The following TEAD3 variants were observed in gnomAD, a reference collection of about 807,000 sequenced individuals.
TEAD3 encodes the protein transcriptional enhancer factor TEF-5.
TEAD3 carries 15 observed loss-of-function variants against 55.6 expected under a neutral mutation model. The ratio of observed to expected loss-of-function variants is 0.27; its 90% CI spans 0.18 to 0.42. TEAD3 has a LOEUF of 0.42. Among genes scored for constraint, TEAD3 ranks in the 10% least tolerant of loss-of-function variants. TEAD3 has a pLI of 1.00. For missense variants in TEAD3, 407 were observed against 576.8 expected, an observed-to-expected ratio of 0.71 and a Z score of 3.01; for synonymous variants, 210 against 232.2, an observed-to-expected ratio of 0.90 and a Z score of 0.87.
At chr6:35,476,473 A>C in intron 8 of TEAD3, 38 bp from the exon 9 acceptor site, 1 of 1,606,106 alleles carries the variant, frequency 6.2e-7, no homozygotes, top group Non-Finnish European at 8.5e-7. Flanking sequence ...GCATGGATGC[A>C]TGCAGGTGCT....
chr6:35,478,646 C>G, intron 5 of TEAD3, 75 bp from the exon 6 acceptor site: 1 of 1,506,164 alleles, frequency 6.6e-7, no homozygotes. Flanking sequence ...CCTCCCATGA[C>G]CCCAGCAGAG....
At chr6:35,487,548 C>CAAAAAAAAAAAAAAAAAAAAAAAAAAAA in intron 1 of TEAD3, among the ~76,000 whole-genome samples, 1 of 54,640 alleles carries the variant, frequency 1.8e-5, no homozygotes, top group Non-Finnish European at 4.2e-5. Context: ...CGAGACTCCT[C>CAAAAAAAAAAAAAAAAAAAAAAAAAAAA]AAAAAAAAAA....
At chr6:35,473,617 CAA>C (rs1423938832), downstream of TEAD3, 2 of 145,464 alleles carry the variant, frequency 1.4e-5, no homozygotes, top group Non-Finnish European at 3.0e-5. Flanking sequence ...GACCCACAAA[CAA>C]ATAACTTTAA....
At chr6:35,495,278 T>A (rs10947552) in intron 1 of TEAD3, among the ~76,000 whole-genome samples, 126,669 of 152,244 alleles carry the variant, frequency 0.83, 52,928 homozygotes, top group African/African-American at 0.91. Flanking sequence ...TACAAACCTT[T>A]GGGTGAGGAT....
Position 35,483,039 on chromosome 6 carries a change from C to T in TEAD3, c.267+1521G>A, listed in dbSNP as rs757745656. On this transcript the variant is annotated intron_variant, in intron 3 of 12. Transcript: ENST00000639578. The surrounding 1 kb of genome is among the most constrained non-coding windows in gnomAD (Gnocchi z 4.5). Reference sequence around the variant, plus strand: ...CTGGGAGGCCAACTACTGCCCACTCCCAGGTAGAACCAGTATTTGAACCCA... The same window carrying T: ...CTGGGAGGCCAACTACTGCCCACTCTCAGGTAGAACCAGTATTTGAACCCA... 5.9e-5 allele frequency among the ~76,000 whole-genome samples: 9 copies of T among 152,180 alleles called. No homozygotes were observed. Among genetic ancestry groups the T allele is most frequent in the Non-Finnish European group, 5.9e-5 (4 of 68,034 alleles).
At chr6:35,492,189 C>T (rs889820010) in intron 1 of TEAD3, among the ~76,000 whole-genome samples, 6 of 152,366 alleles carry the variant, frequency 3.9e-5, no homozygotes, top group Admixed American at 3.9e-4. Context: ...CAAAATGTGG[C>T]AAGATCAGTG....
chr6:35,481,730 A>G (rs1768271990), intron 3 of TEAD3, among the ~76,000 whole-genome samples: 1 of 152,184 alleles, frequency 6.6e-6, no homozygotes, highest in African/African-American at 2.4e-5. Flanking sequence ...TACAGCCAGG[A>G]TTCAAACCCA....
intron 3 of TEAD3, among the ~76,000 whole-genome samples, chr6:35,480,670 C>A (rs763520715): frequency 6.6e-6 from 1 of 152,118 alleles, no homozygotes; most frequent in Non-Finnish European, 1.5e-5. Flanking sequence ...TCTTTTTGGT[C>A]TTATCATGAT....
chr6:35,479,917 C>T, intron 4 of TEAD3: 1 of 628,828 alleles, frequency 1.6e-6, no homozygotes, highest in Non-Finnish European at 2.5e-6. Context: ...CCTTGGGCTT[C>T]CTGCTGCCAC....
downstream of TEAD3, chr6:35,474,380 G>A (rs116676108): frequency 0.016 from 2,417 of 153,050 alleles, 36 homozygotes; most frequent in Non-Finnish European, 0.019. Context: ...CCCGCCCCAG[G>A]GAGGTAGTAT....
Position 35,496,721 on chromosome 6 carries a change from A to G in TEAD3, c.-50+177T>C, listed in dbSNP as rs1249264164. Among the ~76,000 whole-genome samples, 3 of 151,186 alleles carry G rather than the reference A, an allele frequency of 2.0e-5. No homozygotes were observed. The highest frequency in any genetic ancestry group is 3.0e-5 in the Non-Finnish European group (2 of 67,700). On this transcript the variant is annotated intron_variant, in intron 1 of 12. Transcript: ENST00000639578. The surrounding 1 kb of genome is among the most constrained non-coding windows in gnomAD (Gnocchi z 4.8). ...GAGGGCGGGGGGCGGGGCTTCCCGG[A>G]GAGATTTTCCCCCTTCCCTCTAAAC... is the stretch of plus-strand genomic sequence containing the variant.
exon 6 of TEAD3, chr6:35,478,566 C>G (rs1333832138): frequency 6.3e-7 from 1 of 1,588,960 alleles, no homozygotes; most frequent in Non-Finnish European, 8.6e-7. Flanking sequence ...CCTTGGAGAC[C>G]TGGTCCTGGG....
chr6:35,476,495 CTGCCCCCAGCTTGCAAAGG>C (rs1292925197), intron 8 of TEAD3, 60 bp from the exon 9 acceptor site: 5 of 1,591,376 alleles, frequency 3.1e-6, no homozygotes, highest in South Asian at 1.1e-5. Flanking sequence ...ACTGACAAAG[CTGCCCCCAGCTTGCAAAGG>C]TGCCCCTTTT....
chr6:35,485,532 T>C lies in TEAD3; in HGVS notation c.203-908A>G, dbSNP rs1237978953. 2.6e-5 allele frequency among the ~76,000 whole-genome samples: 4 copies of C among 151,812 alleles called. No homozygotes were observed. The highest frequency in any genetic ancestry group is 9.7e-5 in the African/African-American group (4 of 41,298). On this transcript the variant is annotated intron_variant, in intron 2 of 12. Transcript: ENST00000639578. The surrounding 1 kb of genome is among the most constrained non-coding windows in gnomAD (Gnocchi z 4.3). ...AATGGCCAAATTCTCCAAATTCCAT[T>C]CCGATGACTGAACCAGCCCCATTGC...
chr6:35,478,183 T>G lies in TEAD3; in HGVS notation c.530+92A>C, dbSNP rs1768191854. The G allele has an allele frequency of 4.0e-6, 6 of 1,494,590 alleles. No homozygotes were observed. The East Asian group carries it at 1.4e-4, about 35-fold the overall frequency. 92.6% of individuals were successfully genotyped at this position (1,494,590 alleles called of 1,614,324 possible). On this transcript the variant is annotated intron_variant, in intron 7 of 12. Coordinates refer to ENST00000639578, the Ensembl canonical transcript of TEAD3. ...ATCCCTCTATTTTTGAATTAAAACTTTGCTCAGCTGTTGCTGGAGCCCAAA... is the reference window on the plus strand; with the variant it reads ...ATCCCTCTATTTTTGAATTAAAACTGTGCTCAGCTGTTGCTGGAGCCCAAA...
exon 7 of TEAD3, chr6:35,478,277 C>T (rs1414953421): frequency 1.9e-6 from 3 of 1,613,558 alleles, no homozygotes; most frequent in Non-Finnish European, 2.5e-6. Context: ...ATACTCACTC[C>T]TGAGAGGGTC....
chr6:35,480,128 G>A, intron 3 of TEAD3, 184 bp downstream of exon 4: 1 of 1,546,548 alleles, frequency 6.5e-7, no homozygotes, highest in Non-Finnish European at 8.7e-7. Flanking sequence ...GAGACCTGTA[G>A]AGAGAGAAAG....
intron 3 of TEAD3, 177 bp downstream of exon 4, chr6:35,480,135 A>C: frequency 6.5e-7 from 1 of 1,546,096 alleles, no homozygotes. Context: ...GTAGAGAGAG[A>C]AAGAAAGAGA....
In TEAD3 at chr6:35,475,816, C is replaced by A; in HGVS notation, c.900+103G>T. The A allele has an allele frequency of 6.6e-7, 1 of 1,505,096 alleles. No homozygotes were observed. The allele number at this position is 1,505,096 out of a possible 1,614,324, so 93.2% of individuals were successfully genotyped here. ...CCATCTCTGGCACTCTGCCCACAAG[C>A]CATGAGGATGCAGCAGGGTCAGAGG... On this transcript the variant is annotated intron_variant, in intron 10 of 12. Transcript: ENST00000639578. This position sits in a 1 kb window ranked among gnomAD's most constrained non-coding sequence, Gnocchi z 5.4.
Sources: gnomAD v4.1 joint callset for allele counts (sites outside exome capture counted in the v4.1 genomes callset) on GRCh38, gnomAD v4.1.1 for gene constraint, Gnocchi (gnomAD v3.1) non-coding constraint, MANE v1.5 for transcripts, NCBI Gene and HGNC (gene_info 2026-07-23, HGNC 2026-07-21) for gene names.